Variants in SNX25 observed in about 807,000 individuals in gnomAD.
SNX25 encodes the protein sorting nexin-25.
Under a neutral mutation model 113.7 loss-of-function variants are expected in SNX25, and 62 were observed. That is an observed-to-expected ratio of 0.55 (90% CI 0.44 to 0.67). The LOEUF (loss-of-function observed/expected upper bound fraction) is 0.67. SNX25 is among the 30% of genes least tolerant of loss of function. The pLI is 0.00. For synonymous variants in SNX25, 421 were observed against 436.2 expected, an observed-to-expected ratio of 0.97 and a Z score of 0.43; for missense variants, 1,014 against 1,161.0, an observed-to-expected ratio of 0.87 and a Z score of 1.84.
chr4:185,299,915 G>A (rs1753391779), intron 6 of SNX25, among the ~76,000 whole-genome samples: 1 of 152,170 alleles, frequency 6.6e-6, no homozygotes, highest in Non-Finnish European at 1.5e-5. Flanking sequence ...GGAAACTGCT[G>A]TGTATAAATA....
chr4:185,288,339 C>T (rs1751636239), intron 6 of SNX25, among the ~76,000 whole-genome samples: 1 of 152,216 alleles, frequency 6.6e-6, no homozygotes, highest in East Asian at 1.9e-4. Context: ...AGGCTAAAAT[C>T]ATTCAGTATA....
intron 9 of SNX25, among the ~76,000 whole-genome samples, chr4:185,324,041 A>G (rs1284940310): frequency 6.6e-6 from 1 of 152,174 alleles, no homozygotes; most frequent in Non-Finnish European, 1.5e-5. Context: ...CCTCTGACAT[A>G]CATCTTCCCT....
intron 1 of SNX25, among the ~76,000 whole-genome samples, chr4:185,212,422 T>G (rs1192980711): frequency 2.6e-5 from 4 of 151,912 alleles, no homozygotes; most frequent in African/African-American, 9.7e-5. Context: ...CTGGTACTGT[T>G]TACTCAAGCC....
intron 4 of SNX25, among the ~76,000 whole-genome samples, chr4:185,265,086 C>G (rs530744367): frequency 2.0e-5 from 3 of 152,140 alleles, no homozygotes; most frequent in Admixed American, 2.0e-4. Flanking sequence ...CCCACTTAGG[C>G]CTCCCAAAGT....
chr4:185,209,651 C>T lies in SNX25; in HGVS notation c.-176C>T. 1.3e-6 allele frequency: 1 copy of T among 796,434 alleles called. No individual in the cohort carries two copies. The highest frequency in any genetic ancestry group is 1.5e-6 in the Non-Finnish European group (1 of 657,284). 49.3% of individuals were successfully genotyped at this position (796,434 alleles called of 1,614,324 possible). ...GCGCCCGGCCCGGCAGCTACGGGCC[C>T]AGCGCCTGGTGGCGGCGCTGAGGGG... On this transcript the variant is annotated 5_prime_UTR_variant, in exon 1 of 19. Coordinates refer to ENST00000652585, the MANE Select transcript of SNX25 (RefSeq NM_001378034.2). This position sits in a 1 kb window ranked among gnomAD's most constrained non-coding sequence, Gnocchi z 5.2.
At chr4:185,247,440 AAAT>A in intron 2 of SNX25, 62 bp downstream of exon 2, 1 of 1,209,562 alleles carries the variant, frequency 8.3e-7, no homozygotes, top group Admixed American at 2.0e-5. Context: ...TCTAAGAGGA[AAAT>A]AATAATCTCC....
rs796436256 is a variant in SNX25, at chr4:185,319,101, T to A, written c.1345-1632T>A. Among the ~76,000 whole-genome samples, 238 of 58,836 alleles carry A rather than the reference T, an allele frequency of 4.0e-3. 1 individual carries two copies. The highest frequency in any genetic ancestry group is 0.011 in the African/African-American group (229 of 21,252). The allele number at this position is 58,836 out of a possible 152,430, so 38.6% of individuals were successfully genotyped here. ...CCTTTATTTTATTTTATTTTTTTTA[T>A]TTTTTTTTTTTTAAAGGACATATCA... On this transcript the variant is annotated intron_variant, in intron 7 of 18. Transcript: ENST00000652585.
At chr4:185,357,787 T>C (rs753551376) in intron 16 of SNX25, 50 bp downstream of exon 16, 2 of 1,456,946 alleles carry the variant, frequency 1.4e-6, no homozygotes, top group Non-Finnish European at 1.9e-6. Context: ...TCTTTTGCCT[T>C]GACAGTCAAA....
At chr4:185,281,362 A>G (rs905945062) in intron 5 of SNX25, among the ~76,000 whole-genome samples, 1 of 152,136 alleles carries the variant, frequency 6.6e-6, no homozygotes, top group Non-Finnish European at 1.5e-5. Flanking sequence ...AAGATTTTTA[A>G]GGGTATTATC....
intron 10 of SNX25, among the ~76,000 whole-genome samples, chr4:185,333,563 G>C (rs1348319433): frequency 6.6e-6 from 1 of 152,128 alleles, no homozygotes; most frequent in Non-Finnish European, 1.5e-5. Context: ...GAGCCTATCA[G>C]CAATTTACAA....
intron 3 of SNX25, among the ~76,000 whole-genome samples, chr4:185,263,985 C>T (rs1747691356): frequency 1.3e-5 from 2 of 152,194 alleles, no homozygotes; most frequent in African/African-American, 4.8e-5. Context: ...AGTTTATAGA[C>T]CCTCTAGCTC....
At chr4:185,324,674 G>A (rs1222637642) in intron 9 of SNX25, among the ~76,000 whole-genome samples, 2 of 152,124 alleles carry the variant, frequency 1.3e-5, no homozygotes, top group Admixed American at 6.5e-5. Flanking sequence ...GTGGTTTATG[G>A]TCTTACTGAC....
intron 2 of SNX25, among the ~76,000 whole-genome samples, chr4:185,251,238 G>A (rs1015343310): frequency 3.9e-5 from 6 of 152,064 alleles, no homozygotes; most frequent in Non-Finnish European, 7.4e-5. Context: ...CAAGTGATCC[G>A]CTTGCCTCGG....
intron 6 of SNX25, among the ~76,000 whole-genome samples, chr4:185,297,954 G>A (rs565444156): frequency 3.3e-5 from 5 of 152,268 alleles, no homozygotes; most frequent in African/African-American, 1.2e-4. Flanking sequence ...AGTCAACCTT[G>A]TTGATTCCTT....
intron 4 of SNX25, among the ~76,000 whole-genome samples, chr4:185,266,339 G>GT (rs112631582): frequency 5.9e-4 from 89 of 152,120 alleles, no homozygotes; most frequent in African/African-American, 1.7e-3. Flanking sequence ...AAAAATCAGT[G>GT]TTTTTTTGGT....
intron 1 of SNX25, among the ~76,000 whole-genome samples, chr4:185,230,479 G>A (rs981024844): frequency 6.7e-6 from 1 of 148,584 alleles, no homozygotes; most frequent in Non-Finnish European, 1.5e-5. Flanking sequence ...CGCAACATCC[G>A]CCTCCCAGGT....
In SNX25 at chr4:185,363,620, C is replaced by A; in HGVS notation, c.*155C>A. ...GTGAAATTAGTAGAATCAGGGAGGA[C>A]GGGACTTATGCTGTGGTAGGCAACA... On this transcript the variant is annotated 3_prime_UTR_variant, in exon 19 of 19. Transcript: ENST00000652585. The surrounding 1 kb of genome is among the most constrained non-coding windows in gnomAD (Gnocchi z 4.2). The A allele has an allele frequency of 1.6e-6, 1 of 626,862 alleles. No individual in the cohort carries two copies. The highest frequency in any genetic ancestry group is 2.7e-6 in the Non-Finnish European group (1 of 372,036). 38.8% of individuals were successfully genotyped at this position (626,862 alleles called of 1,614,324 possible). A position where few individuals can be genotyped will look rare whatever the true frequency, so the allele number is the denominator to read the frequency against.
intron 5 of SNX25, among the ~76,000 whole-genome samples, chr4:185,272,210 G>A (rs951091851): frequency 3.9e-5 from 6 of 152,192 alleles, no homozygotes; most frequent in Admixed American, 3.9e-4. Flanking sequence ...AGCTGGATGG[G>A]TTTCCCACAG....
chr4:185,238,689 T>C (rs1296099599), intron 1 of SNX25, among the ~76,000 whole-genome samples: 1 of 152,204 alleles, frequency 6.6e-6, no homozygotes, highest in Non-Finnish European at 1.5e-5. Flanking sequence ...TTTTGTAAGA[T>C]GAACCATTTC....
Sources: gnomAD v4.1 joint callset for allele counts (sites outside exome capture counted in the v4.1 genomes callset) on GRCh38, gnomAD v4.1.1 for gene constraint, Gnocchi (gnomAD v3.1) non-coding constraint, MANE v1.5 for transcripts, NCBI Gene and HGNC (gene_info 2026-07-23, HGNC 2026-07-21) for gene names.